The following POU6F1 variants were observed in gnomAD, a reference collection of about 807,000 sequenced individuals.
The protein encoded by POU6F1 is POU domain, class 6, transcription factor 1.
In POU6F1, 9 loss-of-function variants were observed where a neutral mutation model predicts 28.9. The ratio of observed to expected loss-of-function variants is 0.31; its 90% CI spans 0.19 to 0.54. The LOEUF (loss-of-function observed/expected upper bound fraction) is 0.54, where lower values mean the gene tolerates loss of function less well. POU6F1 is among the 20% of genes least tolerant of loss of function. The probability of loss-of-function intolerance (pLI) is 0.94; values close to 1 mark genes in which losing one functional copy is unlikely to be tolerated. For missense variants in POU6F1, 338 were observed against 426.1 expected (o/e 0.79, Z 1.82); for synonymous variants, 173 against 171.1 (o/e 1.01, Z -0.09).
At chr12:51,200,172 C>T (rs921636594) in intron 3 of POU6F1, among the ~76,000 whole-genome samples, 3 of 152,150 alleles carry the variant, frequency 2.0e-5, no homozygotes, top group African/African-American at 7.2e-5. Flanking sequence ...ATTTCCTGGC[C>T]CTGTAAGGAC....
chr12:51,190,192 C>T lies in POU6F1; in HGVS notation c.*55G>A. On this transcript the variant is annotated 3_prime_UTR_variant, in exon 11 of 11. Transcript: ENST00000333640. The surrounding 1 kb of genome is among the most constrained non-coding windows in gnomAD (Gnocchi z 4.5). ...GGTGCTGTCATGGCAGTGGCTGCAG[C>T]CGGATGCCACGGGAAATGGACAAAG... is the stretch of plus-strand genomic sequence containing the variant. 6.3e-7 allele frequency: 1 copy of T among 1,577,294 alleles called. No individual in the cohort carries two copies.
chr12:51,210,960 C>T (rs1943947927), intron 1 of POU6F1, among the ~76,000 whole-genome samples: 1 of 152,228 alleles, frequency 6.6e-6, no homozygotes, highest in Non-Finnish European at 1.5e-5. Flanking sequence ...CTGTGTGTTC[C>T]CCTTGCTTGG....
chr12:51,206,379 C>T (rs1456281087), intron 2 of POU6F1, among the ~76,000 whole-genome samples: 15 of 150,466 alleles, frequency 1.0e-4, no homozygotes, highest in African/African-American at 2.0e-4. Flanking sequence ...GCCGAGATTG[C>T]GCCACTGCAC....
At chr12:51,194,998 G>T (rs1334666199) in intron 8 of POU6F1, among the ~76,000 whole-genome samples, 1 of 152,174 alleles carries the variant, frequency 6.6e-6, no homozygotes, top group African/African-American at 2.4e-5. Flanking sequence ...ACTCTGAGGT[G>T]GGACCCAGGA....
rs759824937 is a variant in POU6F1 at position 51,189,692 on chromosome 12, C to T, written c.*555G>A. On this transcript the variant is annotated 3_prime_UTR_variant, in exon 11 of 11. Transcript: ENST00000333640. Reference sequence around the variant, plus strand: ...ACATGGAGTCTGACCTTCTGAGCAGCACATCACACTTTTTTGAATTTTATC... The same window carrying T: ...ACATGGAGTCTGACCTTCTGAGCAGTACATCACACTTTTTTGAATTTTATC... 39 of 159,540 alleles carry T rather than the reference C, an allele frequency of 2.4e-4. No homozygotes were observed. Among genetic ancestry groups the T allele is most frequent in the Non-Finnish European group, 3.8e-4 (27 of 71,678 alleles). The allele number at this position is 159,540 out of a possible 1,614,324, so 9.9% of individuals were successfully genotyped here. A position where few individuals can be genotyped will look rare whatever the true frequency, so the allele number is the denominator to read the frequency against.
Position 51,190,028 on chromosome 12 carries a change from G to A in POU6F1, c.*219C>T. 5.1e-6 allele frequency: 4 copies of A among 787,998 alleles called. No homozygotes were observed. 48.8% of individuals were successfully genotyped at this position (787,998 alleles called of 1,614,324 possible). A position where few individuals can be genotyped will look rare whatever the true frequency, so the allele number is the denominator to read the frequency against. On this transcript the variant is annotated 3_prime_UTR_variant, in exon 11 of 11. Coordinates refer to ENST00000333640, the MANE Select transcript of POU6F1 (RefSeq NM_001330422.2). The surrounding 1 kb of genome is among the most constrained non-coding windows in gnomAD (Gnocchi z 4.5). Reference sequence around the variant, plus strand: ...CCTCTTCTTCGGAGTGACCAGCCCAGAGCCTGGAGCTCTCGTGTGGCCCCC... The same window carrying A: ...CCTCTTCTTCGGAGTGACCAGCCCAAAGCCTGGAGCTCTCGTGTGGCCCCC...
At chr12:51,212,167 C>G (rs1944042092) in intron 1 of POU6F1, among the ~76,000 whole-genome samples, 1 of 151,918 alleles carries the variant, frequency 6.6e-6, no homozygotes, top group African/African-American at 2.4e-5. Flanking sequence ...AATCTCGGCT[C>G]ACCGCAACCT....
chr12:51,197,671 C>A, intron 6 of POU6F1, 99 bp downstream of exon 6: 1 of 396,424 alleles, frequency 2.5e-6, no homozygotes, highest in Non-Finnish European at 4.4e-6. Context: ...GGGCTGTTTT[C>A]GGGGGGGGCT....
At chr12:51,206,626 C>A (rs959744453) in intron 2 of POU6F1, among the ~76,000 whole-genome samples, 163 bp downstream of exon 2, 4 of 151,998 alleles carry the variant, frequency 2.6e-5, no homozygotes, top group Non-Finnish European at 4.4e-5. Context: ...CTCCCCAAAC[C>A]CAGGCCCTGA....
At chr12:51,196,697 G>A (rs1343152575) in intron 7 of POU6F1, 102 bp downstream of exon 7, 17 of 1,384,502 alleles carry the variant, frequency 1.2e-5, no homozygotes, top group African/African-American at 4.3e-5. Context: ...ACAGCTTGAC[G>A]TCTGTTCGAG....
chr12:51,215,494 G>T (rs1944239008), intron 1 of POU6F1, among the ~76,000 whole-genome samples: 1 of 144,632 alleles, frequency 6.9e-6, no homozygotes. Flanking sequence ...GGTGGAGGTT[G>T]CAGTGAGACC....
intron 1 of POU6F1, among the ~76,000 whole-genome samples, chr12:51,210,033 T>C (rs574430167): frequency 2.2e-4 from 34 of 152,212 alleles, no homozygotes; most frequent in African/African-American, 6.7e-4. Flanking sequence ...CCATGGCTCA[T>C]TGCAGCCTCA....
rs1942237353 is a variant in POU6F1, at chr12:51,189,199, A to G, written c.*1048T>C. ...GAGACCTTCCTGGGCTCCATCATTT[A>G]TTTCAGGATGTTGTCCTTTCCCCCA... On this transcript the variant is annotated 3_prime_UTR_variant, in exon 11 of 11. Transcript: ENST00000333640. 1 of 152,092 alleles carries G rather than the reference A, an allele frequency of 6.6e-6. No individual in the cohort carries two copies. Among genetic ancestry groups the G allele is most frequent in the South Asian group, 2.1e-4 (1 of 4,818 alleles). The allele number at this position is 152,092 out of a possible 1,614,324, so 9.4% of individuals were successfully genotyped here.
rs1942344574 is a variant in POU6F1 at position 51,190,672 on chromosome 12, C to A, written c.1491-80G>T. 6.5e-7 allele frequency: 1 copy of A among 1,543,870 alleles called. No homozygotes were observed. Among genetic ancestry groups the A allele is most frequent in the Admixed American group, 1.9e-5 (1 of 52,264 alleles). ...CACACCCCGCACCTAGGTGCAGGCT[C>A]CATCCTCAAGGGGCCGCTCCTCTAG... On this transcript the variant is annotated intron_variant, in intron 10 of 10. Coordinates refer to ENST00000333640, the MANE Select transcript of POU6F1 (RefSeq NM_001330422.2). This position sits in a 1 kb window ranked among gnomAD's most constrained non-coding sequence, Gnocchi z 4.5.
chr12:51,206,184 G>A (rs1943601095), intron 2 of POU6F1, among the ~76,000 whole-genome samples: 1 of 150,342 alleles, frequency 6.7e-6, no homozygotes, highest in Non-Finnish European at 1.5e-5. Flanking sequence ...AGCACTTTGG[G>A]AGGCCGAGGT....
intron 2 of POU6F1, among the ~76,000 whole-genome samples, chr12:51,205,100 G>A (rs1442224209): frequency 3.4e-5 from 5 of 146,504 alleles, no homozygotes; most frequent in African/African-American, 7.6e-5. Context: ...ATGCAGTGGC[G>A]CAATCTCGGC....
rs924912624 is a variant in POU6F1 at position 51,217,012 on chromosome 12, T to C, written c.-48+630A>G. Among the ~76,000 whole-genome samples the C allele has an allele frequency of 2.0e-5, 3 of 152,136 alleles. No individual in the cohort carries two copies. Among genetic ancestry groups the C allele is most frequent in the African/African-American group, 7.2e-5 (3 of 41,422 alleles). On this transcript the variant is annotated intron_variant, in intron 1 of 10. Transcript: ENST00000333640. This position sits in a 1 kb window ranked among gnomAD's most constrained non-coding sequence, Gnocchi z 5.3. ...TATTATGACTATTTATTAATAATAA[T>C]ATCGATATTAAATATTTATGAAGTG...
intron 1 of POU6F1, among the ~76,000 whole-genome samples, chr12:51,216,399 CTCTATGGTATTACCTTGTTAGTT>C (rs1248626699): frequency 6.6e-6 from 1 of 152,158 alleles, no homozygotes; most frequent in Non-Finnish European, 1.5e-5. Flanking sequence ...CACACAATCA[CTCTATGGTATTACCTTGTTAGTT>C]TTAATGTTTA....
intron 1 of POU6F1, chr12:51,207,716 T>C (rs1943720470): frequency 6.6e-6 from 1 of 152,228 alleles, no homozygotes; most frequent in Non-Finnish European, 1.5e-5. Context: ...TACAGAGTAA[T>C]AATTTAAAAA....
Sources: gnomAD v4.1 joint callset for allele counts (sites outside exome capture counted in the v4.1 genomes callset) on GRCh38, gnomAD v4.1.1 for gene constraint, Gnocchi (gnomAD v3.1) non-coding constraint, MANE v1.5 for transcripts, NCBI Gene and HGNC (gene_info 2026-07-23, HGNC 2026-07-21) for gene names.